Variants in ZFYVE27 observed in about 807,000 individuals in gnomAD.
ZFYVE27 encodes zinc finger FYVE-type containing 27, also known as protrudin.
A neutral mutation model predicts 52.8 loss-of-function variants in ZFYVE27; 36 were observed. That is an observed-to-expected ratio of 0.68 (90% CI 0.52 to 0.90). ZFYVE27 has a LOEUF of 0.90. Ranked by LOEUF, ZFYVE27 falls within the 40% of genes least tolerant of loss-of-function variation. The pLI is 0.00. For synonymous variants in ZFYVE27, 223 were observed against 215.6 expected, an observed-to-expected ratio of 1.03 and a Z score of -0.30; for missense variants, 450 against 527.2, an observed-to-expected ratio of 0.85 and a Z score of 1.43.
At chr10:97,755,506 G>A (rs146691223) in intron 10 of ZFYVE27, among the ~76,000 whole-genome samples, 103 of 152,324 alleles carry the variant, frequency 6.8e-4, no homozygotes, top group African/African-American at 2.4e-3. Context: ...GTGTCCTCAT[G>A]AGAAGGTGGG....
chr10:97,737,202 A>C lies in ZFYVE27; in HGVS notation c.-121A>C, dbSNP rs1185458827. The stretch of plus-strand genomic sequence containing the variant: ...ATTTTCGGACCTGCGACTTCCGAAC[A>C]ACCCTGGCAGGAGGAGCGGCGTTCA... On this transcript the variant is annotated 5_prime_UTR_variant, in exon 1 of 13. Coordinates refer to ENST00000684270, the MANE Select transcript of ZFYVE27 (RefSeq NM_001385875.1). The C allele has an allele frequency of 6.6e-6, 1 of 152,318 alleles. No homozygotes were observed. The highest frequency in any genetic ancestry group is 1.5e-5 in the Non-Finnish European group (1 of 68,102). 9.4% of individuals were successfully genotyped at this position (152,318 alleles called of 1,614,324 possible). A position where few individuals can be genotyped will look rare whatever the true frequency, so the allele number is the denominator to read the frequency against.
chr10:97,759,636 C>T lies in ZFYVE27; in HGVS notation c.*336C>T, dbSNP rs1554899165. 2.7e-5 allele frequency: 11 copies of T among 409,854 alleles called. No homozygotes were observed. Among genetic ancestry groups the T allele is most frequent in the South Asian group, 4.6e-5 (2 of 43,328 alleles). The allele number at this position is 409,854 out of a possible 1,614,324, so 25.4% of individuals were successfully genotyped here. On this transcript the variant is annotated 3_prime_UTR_variant, in exon 13 of 13. Transcript: ENST00000684270. The stretch of plus-strand genomic sequence containing the variant: ...CAGCAGCGAACTAGGCCAGGCCTGA[C>T]TGGGGTCTGAAGATCAGGGTCAGTG...
At chr10:97,758,085 A>G (rs1472254012) in intron 12 of ZFYVE27, 1 of 177,704 alleles carries the variant, frequency 5.6e-6, no homozygotes, top group Non-Finnish European at 1.2e-5. Flanking sequence ...GGCACTTTGA[A>G]CAAAACTAAA....
At chr10:97,740,496 T>C (rs992714615) in intron 2 of ZFYVE27, among the ~76,000 whole-genome samples, 10 of 152,364 alleles carry the variant, frequency 6.6e-5, no homozygotes, top group African/African-American at 2.4e-4. Flanking sequence ...TTGCTCTTTG[T>C]GGCAAAGTAC....
Position 97,751,205 on chromosome 10 carries a change from C to T in ZFYVE27, c.805-186C>T, listed in dbSNP as rs11189353. ...TGGCCACTGTAGGGCCAGCTGTGCT[C>T]GTGTTTCCATCTCCCCCGCCCTGCC... On this transcript the variant is annotated intron_variant, in intron 7 of 12. Coordinates refer to ENST00000684270, the MANE Select transcript of ZFYVE27 (RefSeq NM_001385875.1). 0.61 allele frequency among the ~76,000 whole-genome samples: 93,053 copies of T among 152,074 alleles called. 30,130 individuals carry two copies. The highest frequency in any genetic ancestry group is 0.73 in the Middle Eastern group (214 of 294).
rs112316490 is a variant in ZFYVE27, at chr10:97,738,509, C to T, written c.32C>T (p.Pro11Leu). ...ACATCAGAACGTGAGGGGAGTGGGC[C>T]GGAGCTGAGCCCCAGCGTGATGCCC... Reference protein sequence around the residue: MQTSEREGSGPELSPSVMPEA... With the variant: MQTSEREGSGLELSPSVMPEA... The change falls in exon 2 of 13, where the codon CCG (proline) becomes CTG (leucine). Residue 11 changes from proline (P) to leucine (L), a missense_variant. Pro to Leu is a moderately conservative substitution (Grantham distance 98, BLOSUM62 -3). Transcript: ENST00000684270. 1,808 of 1,614,102 alleles carry T rather than the reference C, an allele frequency of 1.1e-3. 19 individuals are homozygous for T. The African/African-American group carries it at 0.018, about 16-fold the overall frequency.
chr10:97,754,692 T>C (rs772000736), intron 10 of ZFYVE27: 85 of 1,289,276 alleles, frequency 6.6e-5, no homozygotes, highest in Non-Finnish European at 8.1e-5. Flanking sequence ...CCTCCATACT[T>C]GCACATGTGT....
intron 10 of ZFYVE27, among the ~76,000 whole-genome samples, chr10:97,753,671 A>G (rs1485143663): frequency 6.6e-6 from 1 of 152,200 alleles, no homozygotes. Flanking sequence ...GTCTCATGTC[A>G]AATGAGACAG....
chr10:97,742,323 G>C (rs113896436), intron 2 of ZFYVE27, among the ~76,000 whole-genome samples: 3 of 152,186 alleles, frequency 2.0e-5, no homozygotes, highest in African/African-American at 7.2e-5. Context: ...CAGGGACGGA[G>C]CCAGCAGCAT....
At chr10:97,739,397 A>G (rs148144000) in intron 2 of ZFYVE27, among the ~76,000 whole-genome samples, 247 of 152,210 alleles carry the variant, frequency 1.6e-3, no homozygotes, top group African/African-American at 5.6e-3. Flanking sequence ...GAGATTATGG[A>G]TCTTAACTTT....
intron 5 of ZFYVE27, among the ~76,000 whole-genome samples, chr10:97,748,610 C>G (rs185075613): frequency 2.6e-5 from 4 of 152,320 alleles, no homozygotes; most frequent in Admixed American, 2.6e-4. Context: ...ATCCACCATG[C>G]AGCCGAATCT....
chr10:97,740,563 C>T lies in ZFYVE27; in HGVS notation c.197+1889C>T, dbSNP rs371324648. Among the ~76,000 whole-genome samples the T allele has an allele frequency of 2.6e-4, 39 of 152,274 alleles. 1 individual carries two copies. The highest frequency in any genetic ancestry group is 9.1e-4 in the African/African-American group (38 of 41,544). On this transcript the variant is annotated intron_variant, in intron 2 of 12. Coordinates refer to ENST00000684270, the MANE Select transcript of ZFYVE27 (RefSeq NM_001385875.1). ...CCTTTTCCTCTACTAGTCCGTAGTG[C>T]GTCTTAGCACACTAATGTGTTAGGG... is the stretch of plus-strand genomic sequence containing the variant.
intron 7 of ZFYVE27, among the ~76,000 whole-genome samples, chr10:97,750,752 T>G (rs911769196): frequency 6.6e-6 from 1 of 151,790 alleles, no homozygotes; most frequent in African/African-American, 2.4e-5. Flanking sequence ...TTTTTTCCTT[T>G]TTTTTTGAGA....
intron 1 of ZFYVE27, among the ~76,000 whole-genome samples, chr10:97,737,630 A>G (rs758392373): frequency 3.9e-5 from 6 of 152,060 alleles, no homozygotes; most frequent in Non-Finnish European, 7.4e-5. Context: ...TCACCCTCCC[A>G]TCAGGTCGCG....
intron 4 of ZFYVE27, among the ~76,000 whole-genome samples, chr10:97,746,130 C>T (rs1222420433): frequency 6.7e-6 from 1 of 149,348 alleles, no homozygotes; most frequent in African/African-American, 2.5e-5. Flanking sequence ...CTCACTGCAA[C>T]CTCTGCCTCC....
intron 4 of ZFYVE27, 139 bp downstream of exon 4, chr10:97,745,054 G>A: frequency 9.6e-7 from 1 of 1,038,750 alleles, no homozygotes. Flanking sequence ...AGTTCCGGGA[G>A]GTAGTTAATA....
chr10:97,748,455 C>G, intron 5 of ZFYVE27, 91 bp downstream of exon 5: 2 of 1,325,148 alleles, frequency 1.5e-6, no homozygotes, highest in Non-Finnish European at 2.1e-6. Context: ...ACCTCTGCCC[C>G]TCTTACCTCA....
chr10:97,757,411 A>T lies in ZFYVE27; in HGVS notation c.1089+100A>T, dbSNP rs970345222. 54 of 1,560,114 alleles carry T rather than the reference A, an allele frequency of 3.5e-5. No individual in the cohort carries two copies. In the Middle Eastern group the frequency reaches 5.0e-4, roughly 14 times the overall value. The stretch of plus-strand genomic sequence containing the variant: ...TCATTGAGAAAGTCTGGCTCGGGTC[A>T]CATTGGGCCTGGCAGTGGCTTTCTG... On this transcript the variant is annotated intron_variant, in intron 11 of 12. Coordinates refer to ENST00000684270, the MANE Select transcript of ZFYVE27 (RefSeq NM_001385875.1).
chr10:97,747,306 G>T (rs976654050), intron 4 of ZFYVE27, among the ~76,000 whole-genome samples: 1 of 152,172 alleles, frequency 6.6e-6, no homozygotes, highest in African/African-American at 2.4e-5. Flanking sequence ...CATCCATACT[G>T]TAAATTATCA....
Sources: allele counts gnomAD v4.1 joint callset (sites outside exome capture counted in the v4.1 genomes callset), GRCh38; gene constraint gnomAD v4.1.1; transcripts MANE v1.5; gene names NCBI Gene and HGNC (gene_info 2026-07-23, HGNC 2026-07-21).